Variants in ASPH observed in about 807,000 individuals in gnomAD.
ASPH encodes aspartyl/asparaginyl beta-hydroxylase.
A neutral mutation model predicts 118.4 loss-of-function variants in ASPH; 100 were observed. That is an observed-to-expected ratio of 0.84 (90% CI 0.72 to 1.00). The LOEUF (loss-of-function observed/expected upper bound fraction) is 1.00, where lower values mean the gene tolerates loss of function less well. Ranked by LOEUF, ASPH falls within the 50% of genes least tolerant of loss-of-function variation. The pLI, the probability that ASPH is intolerant of heterozygous loss-of-function variation, is 0.00. For synonymous variants in ASPH, 315 were observed against 325.6 expected (o/e 0.97, Z 0.35); for missense variants, 920 against 919.5 (o/e 1.00, Z -0.01).
chr8:61,531,812 T>G (rs2129631833), intron 21 of ASPH, among the ~76,000 whole-genome samples: 1 of 152,326 alleles, frequency 6.6e-6, no homozygotes, highest in African/African-American at 2.4e-5. Context: ...TATATCTGGC[T>G]TACTTCACTT....
At chr8:61,526,257 G>A (rs1449963335) in intron 21 of ASPH, 145 bp from the exon 22 acceptor site, 24 of 1,173,422 alleles carry the variant, frequency 2.0e-5, no homozygotes, top group Non-Finnish European at 1.3e-5. Flanking sequence ...TTTCCTCTGG[G>A]ACTTCTTGTC....
At chr8:61,699,594 G>GA (rs898395637) in intron 1 of ASPH, among the ~76,000 whole-genome samples, 37 of 147,232 alleles carry the variant, frequency 2.5e-4, no homozygotes, top group South Asian at 6.4e-4. Flanking sequence ...GTTGCAATGA[G>GA]AAAAAAAAAA....
At chr8:61,580,549 G>A (rs1837193513) in intron 15 of ASPH, among the ~76,000 whole-genome samples, 1 of 152,186 alleles carries the variant, frequency 6.6e-6, no homozygotes, top group South Asian at 2.1e-4. Context: ...TTCTCTCGCA[G>A]TTTTGCAGAA....
intron 18 of ASPH, among the ~76,000 whole-genome samples, chr8:61,561,739 C>T (rs909997110): frequency 4.6e-5 from 7 of 151,910 alleles, no homozygotes; most frequent in African/African-American, 1.7e-4. Flanking sequence ...GCCTGGATAT[C>T]ATAGGAAGAC....
At chr8:61,610,704 A>G (rs897394882) in intron 14 of ASPH, among the ~76,000 whole-genome samples, 2 of 152,228 alleles carry the variant, frequency 1.3e-5, no homozygotes, top group African/African-American at 4.8e-5. Flanking sequence ...CTCTTCAACA[A>G]CATGGAAAAA....
At position 61,638,316 on chromosome 8, in the gene ASPH, A is replaced by G; in HGVS notation, c.832+6T>C. On this transcript the variant is annotated splice_donor_region_variant and intron_variant, in intron 11 of 24. Transcript: ENST00000379454. ...CAGAAAATATGTGCTTACAGAAAAA[A>G]CTTACCTGTGATTTCTATCCCTTCA... The G allele has an allele frequency of 6.2e-7, 1 of 1,600,286 alleles. No homozygotes were observed. Among genetic ancestry groups the G allele is most frequent in the Non-Finnish European group, 8.5e-7 (1 of 1,176,368 alleles).
chr8:61,680,871 G>T, intron 3 of ASPH, 97 bp downstream of exon 3: 2 of 1,010,402 alleles, frequency 2.0e-6, no homozygotes, highest in Non-Finnish European at 2.8e-6. Context: ...AAAGTCTCCT[G>T]TAAGATATAT....
chr8:61,676,345 G>A (rs760991613), intron 3 of ASPH: 7 of 1,553,468 alleles, frequency 4.5e-6, no homozygotes, highest in Admixed American at 1.9e-5. Context: ...GGAAGAGAGA[G>A]AGAAAATAAG....
At chr8:61,653,056 T>G (rs1020925839) in intron 4 of ASPH, among the ~76,000 whole-genome samples, 1 of 152,186 alleles carries the variant, frequency 6.6e-6, no homozygotes, top group East Asian at 1.9e-4. Flanking sequence ...AGTCATAGGC[T>G]TTGGGGTAAC....
chr8:61,559,689 G>A (rs190791053), intron 18 of ASPH, among the ~76,000 whole-genome samples: 1 of 152,294 alleles, frequency 6.6e-6, no homozygotes, highest in East Asian at 1.9e-4. Context: ...CTTAAAAATT[G>A]TTTTGGGGTA....
intron 15 of ASPH, among the ~76,000 whole-genome samples, chr8:61,577,421 A>AAAAAG (rs1197809235): frequency 8.8e-5 from 13 of 148,372 alleles, no homozygotes; most frequent in African/African-American, 3.3e-4. Context: ...AAAAAAAAAA[A>AAAAAG]AAGACAAGAC....
intron 3 of ASPH, among the ~76,000 whole-genome samples, chr8:61,654,223 C>T (rs945264276): frequency 2.0e-5 from 3 of 152,164 alleles, no homozygotes; most frequent in African/African-American, 4.8e-5. Context: ...AAAAGTTCTT[C>T]TCCCTTTTAC....
chr8:61,557,377 C>T (rs1828254803), intron 18 of ASPH, among the ~76,000 whole-genome samples: 1 of 152,192 alleles, frequency 6.6e-6, no homozygotes, highest in South Asian at 2.1e-4. Flanking sequence ...CTTCTTGCTG[C>T]TCCACAGCAA....
At chr8:61,520,585 G>T (rs1812584876) in intron 22 of ASPH, among the ~76,000 whole-genome samples, 1 of 152,174 alleles carries the variant, frequency 6.6e-6, no homozygotes. Context: ...GTTATTAATG[G>T]AGTTCCCCAA....
At chr8:61,522,077 T>C (rs948291201) in intron 22 of ASPH, among the ~76,000 whole-genome samples, 1 of 152,232 alleles carries the variant, frequency 6.6e-6, no homozygotes, top group African/African-American at 2.4e-5. Context: ...TAATCACTGT[T>C]GGTGGCACTT....
chr8:61,711,295 C>T (rs10095911), intron 1 of ASPH, among the ~76,000 whole-genome samples: 7,229 of 152,040 alleles, frequency 0.048, 249 homozygotes, highest in African/African-American at 0.095. Flanking sequence ...ATTACACATA[C>T]GAGTGTCTAC....
At chr8:61,591,299 C>A (rs1841051646) in intron 14 of ASPH, among the ~76,000 whole-genome samples, 1 of 151,780 alleles carries the variant, frequency 6.6e-6, no homozygotes, top group Non-Finnish European at 1.5e-5. Flanking sequence ...TTATAAACAA[C>A]CAATATAGAA....
intron 15 of ASPH, chr8:61,578,426 C>A (rs185380233): frequency 2.5e-4 from 397 of 1,602,966 alleles, no homozygotes; most frequent in Non-Finnish European, 7.3e-5. Context: ...TCATGGTCAA[C>A]CAGAGCCTAC....
chr8:61,641,063 T>C (rs2150942953), intron 10 of ASPH, among the ~76,000 whole-genome samples: 1 of 152,358 alleles, frequency 6.6e-6, no homozygotes, highest in South Asian at 2.1e-4. Flanking sequence ...AATAATACAC[T>C]GTTCAATTAG....
Sources: gnomAD v4.1 joint callset for allele counts (sites outside exome capture counted in the v4.1 genomes callset) on GRCh38, gnomAD v4.1.1 for gene constraint, MANE v1.5 for transcripts, NCBI Gene and HGNC (gene_info 2026-07-23, HGNC 2026-07-21) for gene names.